Variants in CACNA2D3 observed in about 807,000 individuals in gnomAD.
The protein encoded by CACNA2D3 is voltage-dependent calcium channel subunit alpha-2/delta-3.
CACNA2D3 carries 60 observed loss-of-function variants against 160.6 expected under a neutral mutation model. The observed-to-expected ratio is 0.37, with a 90% CI of 0.30 to 0.46. CACNA2D3 has a LOEUF of 0.46. Ranked by LOEUF, CACNA2D3 falls within the 20% of genes least tolerant of loss-of-function variation. The pLI, the probability that CACNA2D3 is intolerant of heterozygous loss-of-function variation, is 1.00. For missense variants in CACNA2D3, 1,205 were observed against 1,365.0 expected (o/e 0.88, Z 1.85); for synonymous variants, 558 against 492.9 (o/e 1.13, Z -1.75).
intron 12 of CACNA2D3, among the ~76,000 whole-genome samples, chr3:54,754,527 C>CT (rs1278993547): frequency 6.6e-5 from 10 of 152,196 alleles, no homozygotes; most frequent in Admixed American, 3.9e-4. Flanking sequence ...GGCCTCCCTT[C>CT]TGAGGCTACA....
intron 10 of CACNA2D3, among the ~76,000 whole-genome samples, chr3:54,629,582 A>G (rs980270739): frequency 1.3e-5 from 2 of 152,178 alleles, no homozygotes; most frequent in African/African-American, 2.4e-5. Context: ...TGGCTACAGG[A>G]TGTAAACATT....
At chr3:54,379,519 G>C (rs2106640925) in intron 3 of CACNA2D3, among the ~76,000 whole-genome samples, 1 of 152,338 alleles carries the variant, frequency 6.6e-6, no homozygotes, top group East Asian at 1.9e-4. Flanking sequence ...GGAAAGGTGT[G>C]TTGGCTTTCT....
intron 12 of CACNA2D3, among the ~76,000 whole-genome samples, chr3:54,759,517 T>C (rs1466435338): frequency 1.3e-5 from 2 of 152,132 alleles, no homozygotes; most frequent in South Asian, 2.1e-4. Context: ...TTTTAAACTT[T>C]AATGAGTTGG....
At chr3:54,812,360 A>G (rs1230060263) in intron 13 of CACNA2D3, among the ~76,000 whole-genome samples, 1 of 152,224 alleles carries the variant, frequency 6.6e-6, no homozygotes, top group African/African-American at 2.4e-5. Context: ...AAAAGAGCAT[A>G]TGACAAGAGA....
intron 11 of CACNA2D3, among the ~76,000 whole-genome samples, chr3:54,653,040 C>G (rs998226954): frequency 2.6e-5 from 4 of 152,042 alleles, no homozygotes; most frequent in African/African-American, 9.7e-5. Context: ...GCCTTGGTCT[C>G]CCAAAGTGCT....
At chr3:54,547,104 A>G (rs553238554) in intron 5 of CACNA2D3, among the ~76,000 whole-genome samples, 67 of 152,304 alleles carry the variant, frequency 4.4e-4, no homozygotes, top group African/African-American at 1.6e-3. Flanking sequence ...CTGTTGTTCA[A>G]CAAGCCAAAG....
chr3:54,279,310 C>T, intron 2 of CACNA2D3, among the ~76,000 whole-genome samples: 1 of 152,192 alleles, frequency 6.6e-6, no homozygotes, highest in Admixed American at 6.5e-5. Flanking sequence ...CTCATGGCTG[C>T]AGGCGGGTGG....
chr3:54,676,869 T>C (rs911624763), intron 11 of CACNA2D3, among the ~76,000 whole-genome samples: 2 of 152,194 alleles, frequency 1.3e-5, no homozygotes, highest in East Asian at 1.9e-4. Flanking sequence ...GCATTTAACT[T>C]TGACCCCCCA....
chr3:54,971,169 A>T, intron 29 of CACNA2D3, among the ~76,000 whole-genome samples: 1 of 152,002 alleles, frequency 6.6e-6, no homozygotes, highest in East Asian at 1.9e-4. Context: ...TTCTGTGATC[A>T]TCAGATCAAA....
At chr3:54,805,594 T>C (rs1002932323) in intron 13 of CACNA2D3, among the ~76,000 whole-genome samples, 4 of 152,130 alleles carry the variant, frequency 2.6e-5, no homozygotes, top group African/African-American at 7.2e-5. Flanking sequence ...CAGGACCAGA[T>C]GGATTCACAG....
At chr3:54,156,433 C>T (rs960055050) in intron 2 of CACNA2D3, among the ~76,000 whole-genome samples, 1 of 152,160 alleles carries the variant, frequency 6.6e-6, no homozygotes, top group Non-Finnish European at 1.5e-5. Flanking sequence ...CTCAGAACTT[C>T]CTGCCCAGCT....
intron 11 of CACNA2D3, among the ~76,000 whole-genome samples, chr3:54,684,477 A>G (rs1454188969): frequency 6.6e-6 from 1 of 152,200 alleles, no homozygotes; most frequent in African/African-American, 2.4e-5. Flanking sequence ...CCTTGGCTTC[A>G]TTCTGGATCA....
intron 5 of CACNA2D3, among the ~76,000 whole-genome samples, chr3:54,549,588 G>C (rs370164703): frequency 1.3e-5 from 2 of 152,170 alleles, no homozygotes; most frequent in African/African-American, 4.8e-5. Context: ...GTGTAGTGAC[G>C]TGTGATGCTG....
At chr3:54,187,637 C>T (rs1298787943) in intron 2 of CACNA2D3, among the ~76,000 whole-genome samples, 1 of 152,056 alleles carries the variant, frequency 6.6e-6, no homozygotes, top group African/African-American at 2.4e-5. Flanking sequence ...CTTTATGGCA[C>T]CAGGGACCAG....
intron 3 of CACNA2D3, among the ~76,000 whole-genome samples, chr3:54,343,573 C>T: frequency 6.6e-6 from 1 of 152,214 alleles, no homozygotes; most frequent in East Asian, 1.9e-4. Flanking sequence ...CATGCACCAC[C>T]ACACCCAGCT....
At chr3:54,931,754 A>C (rs1030443193) in intron 27 of CACNA2D3, among the ~76,000 whole-genome samples, 11 of 152,202 alleles carry the variant, frequency 7.2e-5, no homozygotes, top group African/African-American at 2.4e-4. Flanking sequence ...ATGTTTTCTA[A>C]TATGTTAGTC....
chr3:54,258,120 C>T (rs1318221109), intron 2 of CACNA2D3, among the ~76,000 whole-genome samples: 1 of 152,200 alleles, frequency 6.6e-6, no homozygotes, highest in Non-Finnish European at 1.5e-5. Context: ...CTTTCTGAAA[C>T]CCTGGTTAGA....
At chr3:54,298,402 A>G (rs1165122790) in intron 2 of CACNA2D3, among the ~76,000 whole-genome samples, 4 of 152,250 alleles carry the variant, frequency 2.6e-5, no homozygotes, top group Non-Finnish European at 5.9e-5. Context: ...TTGTTTCTAA[A>G]ATTCTTACAT....
chr3:54,972,003 T>TA (rs199548650), intron 29 of CACNA2D3, among the ~76,000 whole-genome samples: 18,034 of 151,838 alleles, frequency 0.12, 1,380 homozygotes, highest in African/African-American at 0.22. Context: ...GTTTATAAAT[T>TA]TAAAAAAAAA....
Sources: gnomAD v4.1 joint callset for allele counts (sites outside exome capture counted in the v4.1 genomes callset) on GRCh38, gnomAD v4.1.1 for gene constraint, MANE v1.5 for transcripts, NCBI Gene and HGNC (gene_info 2026-07-23, HGNC 2026-07-21) for gene names.